FCRL5: variants seen among roughly 807,000 people sequenced by gnomAD.
The protein encoded by FCRL5 is Fc receptor-like protein 5.
A neutral mutation model predicts 92.1 loss-of-function variants in FCRL5; 79 were observed. That is an observed-to-expected ratio of 0.86 (90% CI 0.72 to 1.03). The LOEUF (loss-of-function observed/expected upper bound fraction) is 1.03. Among genes scored for constraint, FCRL5 ranks in the 50% least tolerant of loss-of-function variants. The pLI is 0.00. For synonymous variants in FCRL5, 466 were observed against 469.3 expected (o/e 0.99, Z 0.09); for missense variants, 1,160 against 1,181.1 (o/e 0.98, Z 0.26).
Position 157,524,278 on chromosome 1 carries a change from C to T in FCRL5, c.2239+1G>A, listed in dbSNP as rs1348999650. The T allele has an allele frequency of 6.2e-7, 1 of 1,614,218 alleles. No individual in the cohort carries two copies. Among genetic ancestry groups the T allele is most frequent in the Non-Finnish European group, 8.5e-7 (1 of 1,180,014 alleles). ...GCTGCTGGTGGGCAGGGCCCACTCA[C>T]CTGCAACTTTCAGTGTCACCATCTC... On this transcript the variant is annotated splice_donor_variant, in intron 10 of 16. Coordinates refer to ENST00000361835, the MANE Select transcript of FCRL5 (RefSeq NM_031281.3). LOFTEE classifies it high-confidence loss of function.
At chr1:157,549,141 T>C (rs1442722793) in intron 2 of FCRL5, among the ~76,000 whole-genome samples, 1 of 151,762 alleles carries the variant, frequency 6.6e-6, no homozygotes, top group Non-Finnish European at 1.5e-5. Context: ...TGTAGGGACA[T>C]GGATGAAGCT....
chr1:157,547,749 A>G (rs576337209), intron 2 of FCRL5, among the ~76,000 whole-genome samples: 22 of 152,298 alleles, frequency 1.4e-4, no homozygotes, highest in African/African-American at 5.3e-4. Flanking sequence ...TCCAGAGGTG[A>G]CCAGGACAAA....
In FCRL5 at chr1:157,552,467, G is replaced by C. The variant is rs1435512089; in HGVS notation, c.-105C>G. 6 of 1,166,250 alleles carry C rather than the reference G, an allele frequency of 5.1e-6. No homozygotes were observed. In the African/African-American group the frequency reaches 6.1e-5, roughly 12 times the overall value. 72.2% of individuals were successfully genotyped at this position (1,166,250 alleles called of 1,614,324 possible). A position where few individuals can be genotyped will look rare whatever the true frequency, so the allele number is the denominator to read the frequency against. The stretch of plus-strand genomic sequence containing the variant: ...TCAGGACACTGCACACCAGCTCCAA[G>C]GAGCACATCTGAGAAGCTGTGCTCT... On this transcript the variant is annotated 5_prime_UTR_variant, in exon 1 of 17. Transcript: ENST00000361835.
chr1:157,515,512 C>T lies in FCRL5; in HGVS notation c.*163G>A. On this transcript the variant is annotated 3_prime_UTR_variant, in exon 17 of 17. Coordinates refer to ENST00000361835, the MANE Select transcript of FCRL5 (RefSeq NM_031281.3). ...AACTGGGAAACAGGTGACAGTCCAG[C>T]AGGGCCCTGCATTCTGGTCAGACTG... is the stretch of plus-strand genomic sequence containing the variant. The T allele has an allele frequency of 6.7e-7, 1 of 1,484,062 alleles. No individual in the cohort carries two copies. Among genetic ancestry groups the T allele is most frequent in the Non-Finnish European group, 9.2e-7 (1 of 1,083,364 alleles). 91.9% of individuals were successfully genotyped at this position (1,484,062 alleles called of 1,614,324 possible).
chr1:157,544,193 C>T, intron 5 of FCRL5, 69 bp downstream of exon 5: 3 of 1,548,482 alleles, frequency 1.9e-6, no homozygotes, highest in Non-Finnish European at 1.8e-6. Flanking sequence ...GTGACCCACG[C>T]TGATATGCAG....
At chr1:157,538,992 G>C (rs1386193299) in intron 7 of FCRL5, 94 bp downstream of exon 7, 1 of 1,341,356 alleles carries the variant, frequency 7.5e-7, no homozygotes, top group African/African-American at 1.4e-5. Flanking sequence ...GAAAGAAACA[G>C]AGGATACTAG....
intron 2 of FCRL5, chr1:157,547,504 G>T: frequency 2.0e-6 from 1 of 499,776 alleles, no homozygotes; most frequent in Non-Finnish European, 3.7e-6. Context: ...ATGCTGCGCT[G>T]CCATTTCATC....
chr1:157,544,035 T>C (rs781073101), intron 5 of FCRL5, among the ~76,000 whole-genome samples: 1 of 152,170 alleles, frequency 6.6e-6, no homozygotes, highest in Non-Finnish European at 1.5e-5. Flanking sequence ...AAGAATTGTA[T>C]TTAATGGCAT....
chr1:157,547,252 C>A, intron 2 of FCRL5, 55 bp from the exon 3 acceptor site: 1 of 1,603,632 alleles, frequency 6.2e-7, no homozygotes. Flanking sequence ...GACCCAGCCT[C>A]AGGGCCTCCT....
intron 10 of FCRL5, chr1:157,522,592 T>C (rs1650248843): frequency 6.6e-6 from 1 of 152,256 alleles, no homozygotes. Flanking sequence ...GAAGGCTCAG[T>C]GAGTGTTGAT....
chr1:157,539,959 C>A (rs1306659739), intron 6 of FCRL5, among the ~76,000 whole-genome samples: 1 of 152,200 alleles, frequency 6.6e-6, no homozygotes, highest in Non-Finnish European at 1.5e-5. Context: ...AATATTGAAA[C>A]CCTCAAAATC....
chr1:157,535,466 C>T (rs1558135298), intron 7 of FCRL5, among the ~76,000 whole-genome samples: 1 of 152,170 alleles, frequency 6.6e-6, no homozygotes, highest in Non-Finnish European at 1.5e-5. Context: ...CAGTTGGTTC[C>T]TCCACTTTTC....
At chr1:157,539,007 T>C (rs1389799945) in intron 7 of FCRL5, 79 bp downstream of exon 7, 1 of 1,450,708 alleles carries the variant, frequency 6.9e-7, no homozygotes, top group African/African-American at 1.4e-5. Context: ...TACTAGAAGG[T>C]ACACGCTGAC....
intron 4 of FCRL5, 75 bp from the exon 5 acceptor site, chr1:157,544,621 C>T: frequency 3.2e-6 from 5 of 1,539,082 alleles, no homozygotes; most frequent in South Asian, 2.4e-5. Context: ...CTTCAAGCAG[C>T]AGCACATCCA....
chr1:157,536,105 C>T (rs928385964), intron 7 of FCRL5, among the ~76,000 whole-genome samples: 2 of 151,984 alleles, frequency 1.3e-5, no homozygotes, highest in African/African-American at 4.8e-5. Context: ...CCACACCTGG[C>T]TAATTTTTGT....
At chr1:157,521,409 C>A in intron 10 of FCRL5, 117 bp from the exon 11 acceptor site, 1 of 1,254,156 alleles carries the variant, frequency 8.0e-7, no homozygotes, top group Non-Finnish European at 1.1e-6. Flanking sequence ...TAGATTAAAA[C>A]ATAGATGATA....
intron 15 of FCRL5, 148 bp downstream of exon 15, chr1:157,518,281 G>A: frequency 4.6e-6 from 3 of 652,188 alleles, no homozygotes; most frequent in South Asian, 2.0e-5. Flanking sequence ...TTCACCTGAA[G>A]CAGCATAGGC....
Position 157,538,417 on chromosome 1 carries a change from GT to G in FCRL5, c.1402+668del, listed in dbSNP as rs568730066. Among the ~76,000 whole-genome samples the G allele has an allele frequency of 9.8e-5, 15 of 152,298 alleles. No homozygotes were observed. In the South Asian group the frequency reaches 3.1e-3, roughly 32 times the overall value. ...CTGGCCATTTAGCCACACATGGATG[GT>G]TCAAAACTGAGATCCAAAGCTCAAA... On this transcript the variant is annotated intron_variant, in intron 7 of 16. Transcript: ENST00000361835.
intron 2 of FCRL5, among the ~76,000 whole-genome samples, chr1:157,548,307 T>C (rs1220854963): frequency 2.0e-5 from 3 of 152,240 alleles, no homozygotes; most frequent in East Asian, 1.9e-4. Flanking sequence ...ACAGGAGATA[T>C]TGTTTTAGGT....
Sources: gnomAD v4.1 joint callset for allele counts (sites outside exome capture counted in the v4.1 genomes callset) on GRCh38, gnomAD v4.1.1 for gene constraint, MANE v1.5 for transcripts, NCBI Gene and HGNC (gene_info 2026-07-23, HGNC 2026-07-21) for gene names.